BIN1: variants seen among roughly 807,000 people sequenced by gnomAD.
The protein encoded by BIN1 is myc box-dependent-interacting protein 1.
In BIN1, 53 loss-of-function variants were observed where a neutral mutation model predicts 82.0. The ratio of observed to expected loss-of-function variants is 0.65; its 90% confidence interval spans 0.52 to 0.81. The LOEUF (loss-of-function observed/expected upper bound fraction) is 0.81, where lower values mean the gene tolerates loss of function less well. Among genes scored for constraint, BIN1 ranks in the 40% least tolerant of loss-of-function variants. The probability of loss-of-function intolerance (pLI) is 0.00; values close to 1 mark genes in which losing one functional copy is unlikely to be tolerated. For synonymous variants in BIN1, 302 were observed against 328.0 expected, an observed-to-expected ratio of 0.92 and a Z score of 0.86; for missense variants, 642 against 784.4, an observed-to-expected ratio of 0.82 and a Z score of 2.17.
At chr2:127,076,568 T>C (rs1273564693) in intron 2 of BIN1, 58 bp downstream of exon 2, 18 of 1,599,128 alleles carry the variant, frequency 1.1e-5, no homozygotes, top group Non-Finnish European at 1.5e-5. Context: ...CGTGCCATTT[T>C]TCACCTGGCA....
chr2:127,059,335 G>A lies in BIN1; in HGVS notation c.858-180C>T, dbSNP rs1454031024. Reference sequence around the variant, plus strand: ...GAGGGTGGGGGGAGCCAAGGGACCTGGGCTTGGGGGGCTGGAAGTGGGAAG... The same window carrying A: ...GAGGGTGGGGGGAGCCAAGGGACCTAGGCTTGGGGGGCTGGAAGTGGGAAG... On this transcript the variant is annotated intron_variant, in intron 10 of 18. Coordinates refer to ENST00000316724, the MANE Select transcript of BIN1 (RefSeq NM_139343.3). This position sits in a 1 kb window ranked among gnomAD's most constrained non-coding sequence, Gnocchi z 6.7. 6.6e-6 allele frequency among the ~76,000 whole-genome samples: 1 copy of A among 151,666 alleles called. No individual in the cohort carries two copies. Among genetic ancestry groups the A allele is most frequent in the Non-Finnish European group, 1.5e-5 (1 of 67,884 alleles).
In BIN1 at chr2:127,102,622, G is replaced by A. The variant is rs1296373809; in HGVS notation, c.84+4238C>T. On this transcript the variant is annotated intron_variant, in intron 1 of 18. Coordinates refer to ENST00000316724, the MANE Select transcript of BIN1 (RefSeq NM_139343.3). Reference sequence around the variant, plus strand: ...GTAGCCTGTGCCTGGCTTGGTCCCTGCATGAGCCAGAAGGCTGTACTCAGG... The same window carrying A: ...GTAGCCTGTGCCTGGCTTGGTCCCTACATGAGCCAGAAGGCTGTACTCAGG... Among the ~76,000 whole-genome samples the A allele has an allele frequency of 2.6e-5, 4 of 152,222 alleles. No homozygotes were observed. In the East Asian group the frequency reaches 7.7e-4, roughly 29 times the overall value.
Position 127,063,935 on chromosome 2 carries a change from G to T in BIN1, c.696C>A (p.Asn232Lys), listed in dbSNP as rs143820618. 5.4e-4 allele frequency: 875 copies of T among 1,613,746 alleles called. No homozygotes were observed. The highest frequency in any genetic ancestry group is 7.0e-4 in the Non-Finnish European group (821 of 1,179,984). ...DLQEELPSLW[N>K]SRVGFYVNTF... ...CTGGGCACCGTGCTGGGCCTCACCTGTTCCACAGGGACGGCAGCTCCTCCT... is the reference window on the plus strand; with the variant it reads ...CTGGGCACCGTGCTGGGCCTCACCTTTTCCACAGGGACGGCAGCTCCTCCT... The change falls in exon 8 of 19, where the codon AAC (asparagine) becomes AAA (lysine). Residue 232 changes from asparagine to lysine, a missense_variant and splice_region_variant. Coordinates refer to ENST00000316724, the MANE Select transcript of BIN1 (RefSeq NM_139343.3).
intron 1 of BIN1, among the ~76,000 whole-genome samples, chr2:127,078,929 C>A (rs528024836): frequency 1.5e-4 from 23 of 152,234 alleles, no homozygotes; most frequent in South Asian, 6.2e-4. Context: ...CCAGAGCCAC[C>A]AGAGAGAGCC....
In BIN1 at chr2:127,060,568, G is replaced by A. The variant is rs759503025; in HGVS notation, c.858-1413C>T. 5.6e-6 allele frequency: 9 copies of A among 1,613,994 alleles called. No homozygotes were observed. In the Admixed American group the frequency reaches 8.3e-5, roughly 15 times the overall value. ...GGCCAGCCAGGGCGCGGGCCTCTGCGCCCCTCCGCAGCACTCACTGCCGGT... is the reference window on the plus strand; with the variant it reads ...GGCCAGCCAGGGCGCGGGCCTCTGCACCCCTCCGCAGCACTCACTGCCGGT... On this transcript the variant is annotated intron_variant, in intron 10 of 18. Coordinates refer to ENST00000316724, the MANE Select transcript of BIN1 (RefSeq NM_139343.3).
intron 1 of BIN1, among the ~76,000 whole-genome samples, chr2:127,086,882 T>C (rs1678243151): frequency 2.0e-5 from 3 of 152,108 alleles, no homozygotes; most frequent in South Asian, 4.1e-4. Flanking sequence ...TCCACCTTTT[T>C]GACAAGCCCC....
intron 1 of BIN1, among the ~76,000 whole-genome samples, chr2:127,088,872 G>A (rs896760830): frequency 2.6e-5 from 4 of 152,116 alleles, no homozygotes; most frequent in Non-Finnish European, 2.9e-5. Context: ...GGCCAGGAAG[G>A]AAGAAGAAGG....
intron 1 of BIN1, among the ~76,000 whole-genome samples, chr2:127,078,048 T>C (rs60355033): frequency 0.16 from 24,232 of 152,256 alleles, 2,021 homozygotes; most frequent in South Asian, 0.25. Flanking sequence ...AGCCAGCCCA[T>C]GCTGCCAGGA....
intron 2 of BIN1, among the ~76,000 whole-genome samples, chr2:127,074,662 A>G (rs1360848753): frequency 6.6e-6 from 1 of 152,072 alleles, no homozygotes; most frequent in Admixed American, 6.5e-5. Flanking sequence ...TCAGCTCCCA[A>G]CTGTGCTTCC....
At chr2:127,097,876 C>G (rs1463878939) in intron 1 of BIN1, among the ~76,000 whole-genome samples, 1 of 152,208 alleles carries the variant, frequency 6.6e-6, no homozygotes, top group African/African-American at 2.4e-5. Context: ...GCACTGTTCC[C>G]GCTGCCATCC....
chr2:127,048,079 A>C lies in BIN1; in HGVS notation c.*447T>G. ...TTTGTTTCATTTTGTTTTGAACACT[A>C]AGATTTATTTTCAAACAGCACACAG... is the stretch of plus-strand genomic sequence containing the variant. On this transcript the variant is annotated 3_prime_UTR_variant, in exon 19 of 19. Coordinates refer to ENST00000316724, the MANE Select transcript of BIN1 (RefSeq NM_139343.3). 1 of 197,498 alleles carries C rather than the reference A, an allele frequency of 5.1e-6. No homozygotes were observed. Among genetic ancestry groups the C allele is most frequent in the Admixed American group, 5.3e-5 (1 of 18,790 alleles). The allele number at this position is 197,498 out of a possible 1,614,324, so 12.2% of individuals were successfully genotyped here.
Position 127,052,373 on chromosome 2 carries a change from G to T in BIN1, c.1264-11C>A, listed in dbSNP as rs761498959. 1.3e-6 allele frequency: 2 copies of T among 1,566,224 alleles called. No individual in the cohort carries two copies. The highest frequency in any genetic ancestry group is 1.7e-6 in the Non-Finnish European group (2 of 1,155,604). On this transcript the variant is annotated splice_polypyrimidine_tract_variant and intron_variant, in intron 14 of 18. Transcript: ENST00000316724. ...TGGACTCTCTGTGGGCTGGTAACAG[G>T]CCACGAGGAGAGAACAGGGAGGGGG...
At position 127,093,095 on chromosome 2, in the gene BIN1, ACAGAGAGAGGGGT is replaced by A. The variant is rs534961455; in HGVS notation, c.84+13752_84+13764del. Among the ~76,000 whole-genome samples the A allele has an allele frequency of 1.5e-3, 235 of 152,114 alleles. 1 individual carries two copies. The highest frequency in any genetic ancestry group is 5.6e-3 in the African/African-American group (231 of 41,492). Reference sequence around the variant, plus strand: ...AGCCACCCCCACGCTAGGGCTGTCCACAGAGAGAGGGGTCAGGGAGGGAGGGCGGAAGGGGAAG... The same window carrying A: ...AGCCACCCCCACGCTAGGGCTGTCCACAGGGAGGGAGGGCGGAAGGGGAAG... On this transcript the variant is annotated intron_variant, in intron 1 of 18. Coordinates refer to ENST00000316724, the MANE Select transcript of BIN1 (RefSeq NM_139343.3). The surrounding 1 kb of genome is among the most constrained non-coding windows in gnomAD (Gnocchi z 5.7).
At chr2:127,104,881 C>T (rs1680834013) in intron 1 of BIN1, among the ~76,000 whole-genome samples, 1 of 152,180 alleles carries the variant, frequency 6.6e-6, no homozygotes, top group African/African-American at 2.4e-5. Context: ...GTCATGCTGC[C>T]TTGGTTTCTG....
chr2:127,061,488 CAT>C (rs1158672635), intron 10 of BIN1, among the ~76,000 whole-genome samples: 2 of 152,192 alleles, frequency 1.3e-5, no homozygotes, highest in Non-Finnish European at 2.9e-5. Context: ...CACACACACA[CAT>C]GCACACATGG....
chr2:127,057,965 T>C lies in BIN1; in HGVS notation c.1003-364A>G, dbSNP rs551160141. 7.6e-4 allele frequency among the ~76,000 whole-genome samples: 116 copies of C among 152,188 alleles called. No homozygotes were observed. Among genetic ancestry groups the C allele is most frequent in the Non-Finnish European group, 1.2e-3 (81 of 67,984 alleles). The stretch of plus-strand genomic sequence containing the variant: ...GCTCCCACTGGCCTGGTGAGAAGAC[T>C]GGGGAAGCAAACAGTCGTTGAGAGA... On this transcript the variant is annotated intron_variant, in intron 11 of 18. Transcript: ENST00000316724. This position sits in a 1 kb window ranked among gnomAD's most constrained non-coding sequence, Gnocchi z 5.0.
chr2:127,053,728 G>T, intron 13 of BIN1, 177 bp downstream of exon 13: 1 of 718,014 alleles, frequency 1.4e-6, no homozygotes, highest in Non-Finnish European at 2.4e-6. Flanking sequence ...TCTCCCAGCT[G>T]ATCAGGGGCT....
intron 12 of BIN1, chr2:127,054,369 T>C: frequency 2.9e-6 from 1 of 343,026 alleles, no homozygotes; most frequent in Non-Finnish European, 5.6e-6. Context: ...ATCCACAGAC[T>C]GGTGGGCCCC....
intron 1 of BIN1, among the ~76,000 whole-genome samples, chr2:127,096,576 TCTCATTCGGTGTCTCCCCTCCCTTTG>T (rs1679631222): frequency 6.6e-6 from 1 of 152,156 alleles, no homozygotes; most frequent in Non-Finnish European, 1.5e-5. Context: ...TTCCCCTTTC[TCTCATTCGGTGTCTCCCCTCCCTTTG>T]CCCATCTGCC....
Sources: allele counts gnomAD v4.1 joint callset (sites outside exome capture counted in the v4.1 genomes callset), GRCh38; gene constraint gnomAD v4.1.1; non-coding constraint Gnocchi (gnomAD v3.1); transcripts MANE v1.5; gene names NCBI Gene and HGNC (gene_info 2026-07-23, HGNC 2026-07-21).